Variants in ADH7 observed in about 807,000 individuals in gnomAD.
ADH7 encodes the protein alcohol dehydrogenase 7 (class IV), mu or sigma polypeptide.
In ADH7, 41 loss-of-function variants were observed where a neutral mutation model predicts 34.4. The observed-to-expected ratio is 1.19, with a 90% CI of 0.93 to 1.55. The LOEUF (loss-of-function observed/expected upper bound fraction) is 1.55, where lower values mean the gene tolerates loss of function less well. Ranked by LOEUF, ADH7 falls within the 40% of genes most tolerant of loss-of-function variation. The pLI is 0.00. For synonymous variants in ADH7, 180 were observed against 160.9 expected, an observed-to-expected ratio of 1.12 and a Z score of -0.90; for missense variants, 540 against 461.2, an observed-to-expected ratio of 1.17 and a Z score of -1.56.
chr4:99,418,996 A>C lies in ADH7; in HGVS notation c.951T>G (p.Cys317Trp). ...CTTTGCTTTCCTGACCTCCAAAGAC[A>C]CATCCCTTCCATGTGCGTCCAGTGA... ...LLFTGRTWKG[C>W]VFGGLKSRDD... Residue 317 changes from cysteine (C) to tryptophan (W), a missense_variant, in exon 7 of 9, where the codon TGT becomes TGG. Cys to Trp is a radical substitution (Grantham distance 215). Transcript: ENST00000437033. 1 of 1,613,764 alleles carries C rather than the reference A, an allele frequency of 6.2e-7. No individual in the cohort carries two copies. The highest frequency in any genetic ancestry group is 1.7e-5 in the Admixed American group (1 of 59,962).
intron 1 of ADH7, among the ~76,000 whole-genome samples, chr4:99,433,288 A>T (rs971841903): frequency 2.6e-5 from 4 of 151,456 alleles, no homozygotes; most frequent in Non-Finnish European, 1.5e-5. Flanking sequence ...TTAGACATTT[A>T]AAAATGTTTA....
chr4:99,419,921 T>A (rs1721608672), intron 6 of ADH7, among the ~76,000 whole-genome samples: 1 of 152,130 alleles, frequency 6.6e-6, no homozygotes, highest in Admixed American at 6.6e-5. Flanking sequence ...TTTTTCCTAG[T>A]CTCTTTACGC....
At chr4:99,433,784 G>T (rs1171406781) in intron 1 of ADH7, among the ~76,000 whole-genome samples, 1 of 152,126 alleles carries the variant, frequency 6.6e-6, no homozygotes, top group East Asian at 1.9e-4. Flanking sequence ...TCTCAGAATT[G>T]CAGCCTTCAG....
At chr4:99,428,022 A>G (rs1721851797) in intron 4 of ADH7, 33 bp from the exon 5 acceptor site, 3 of 1,612,692 alleles carry the variant, frequency 1.9e-6, no homozygotes, top group Admixed American at 1.7e-5. Flanking sequence ...GTATTAATTA[A>G]TTCAATTCAA....
chr4:99,416,627 T>C (rs367742874), intron 7 of ADH7, among the ~76,000 whole-genome samples: 12 of 152,240 alleles, frequency 7.9e-5, no homozygotes, highest in African/African-American at 2.9e-4. Flanking sequence ...GCTTGGTCCT[T>C]GGTCCATTTC....
chr4:99,415,132 C>T (rs911143103), intron 8 of ADH7, among the ~76,000 whole-genome samples: 2 of 152,114 alleles, frequency 1.3e-5, no homozygotes, highest in Admixed American at 6.5e-5. Flanking sequence ...GGGGCTCTTC[C>T]CGCTTTGCTC....
intron 1 of ADH7, chr4:99,430,372 T>A (rs1288323697): frequency 6.6e-6 from 1 of 152,240 alleles, no homozygotes; most frequent in Non-Finnish European, 1.5e-5. Context: ...GCTGTAGTTA[T>A]TCAATTAAAT....
rs772325568 is a variant in ADH7 at position 99,427,909 on chromosome 4, G to A, written c.428C>T (p.Thr143Ile). 6 of 1,614,008 alleles carry A rather than the reference G, an allele frequency of 3.7e-6. No homozygotes were observed. The highest frequency in any genetic ancestry group is 3.3e-4 in the Middle Eastern group (2 of 6,060). Residue 143 changes from threonine to isoleucine, a missense_variant, in exon 5 of 9, where the codon ACC becomes ATC. Coordinates refer to ENST00000437033, the MANE Select transcript of ADH7 (RefSeq NM_000673.7). Reference protein sequence around the residue: ...KGKPVHHFMNTSTFTEYTVVD... With the variant: ...KGKPVHHFMNISTFTEYTVVD... Reference sequence around the variant, plus strand: ...CACTGTGTACTCGGTAAATGTACTGGTGTTCATGAAGTGGTGGACTGGTTT... The same window carrying A: ...CACTGTGTACTCGGTAAATGTACTGATGTTCATGAAGTGGTGGACTGGTTT...
At chr4:99,429,141 C>T (rs1019484514) in intron 2 of ADH7, among the ~76,000 whole-genome samples, 6 of 152,176 alleles carry the variant, frequency 3.9e-5, no homozygotes, top group African/African-American at 1.4e-4. Flanking sequence ...GGAAAACGTT[C>T]CACGAAGTTG....
chr4:99,412,837 C>A lies in ADH7; in HGVS notation c.*311G>T, dbSNP rs958188984. The stretch of plus-strand genomic sequence containing the variant: ...GTTTTGAGTTATATATCTGCAGCAG[C>A]TGGTTAAAACTCTTAAAAATCTCCA... On this transcript the variant is annotated 3_prime_UTR_variant, in exon 9 of 9. Transcript: ENST00000437033. 7.1e-6 allele frequency: 2 copies of A among 281,988 alleles called. No individual in the cohort carries two copies. The highest frequency in any genetic ancestry group is 9.9e-5 in the Admixed American group (2 of 20,254). 17.5% of individuals were successfully genotyped at this position (281,988 alleles called of 1,614,324 possible).
intron 1 of ADH7, chr4:99,434,932 T>G: frequency 9.0e-7 from 1 of 1,117,180 alleles, no homozygotes; most frequent in Non-Finnish European, 1.3e-6. Flanking sequence ...TGCCCAGCTA[T>G]CCGGAAATCA....
intron 5 of ADH7, among the ~76,000 whole-genome samples, chr4:99,425,805 G>A (rs1207284890): frequency 7.9e-5 from 12 of 151,974 alleles, no homozygotes; most frequent in Non-Finnish European, 1.5e-4. Context: ...CCACATAGTT[G>A]GAAGTAAAGC....
chr4:99,434,638 A>G (rs1579582949), intron 1 of ADH7, among the ~76,000 whole-genome samples: 1 of 152,210 alleles, frequency 6.6e-6, no homozygotes, highest in Admixed American at 6.5e-5. Flanking sequence ...TGTTGTTTTT[A>G]GAACGATAAA....
chr4:99,433,533 C>T (rs550037304), intron 1 of ADH7, among the ~76,000 whole-genome samples: 27 of 152,134 alleles, frequency 1.8e-4, no homozygotes, highest in African/African-American at 5.5e-4. Context: ...CCTCCAAATT[C>T]GTATGTTGAA....
At chr4:99,418,945 G>A in intron 7 of ADH7, 41 bp downstream of exon 7, 3 of 1,607,266 alleles carry the variant, frequency 1.9e-6, no homozygotes, top group Non-Finnish European at 2.6e-6. Flanking sequence ...GCACCAGAGT[G>A]AAAGCCATCA....
intron 1 of ADH7, among the ~76,000 whole-genome samples, chr4:99,430,975 A>G (rs1721926176): frequency 6.6e-6 from 1 of 151,808 alleles, no homozygotes; most frequent in East Asian, 1.9e-4. Context: ...ATGTTTTTGT[A>G]TTTTAGTAGA....
At chr4:99,432,325 G>T (rs1721954098) in intron 1 of ADH7, among the ~76,000 whole-genome samples, 1 of 152,044 alleles carries the variant, frequency 6.6e-6, no homozygotes, top group Non-Finnish European at 1.5e-5. Flanking sequence ...AGGGTGGAAG[G>T]TGGAGGGAGG....
At chr4:99,419,551 T>C (rs1721600600) in intron 6 of ADH7, among the ~76,000 whole-genome samples, 1 of 152,176 alleles carries the variant, frequency 6.6e-6, no homozygotes, top group Non-Finnish European at 1.5e-5. Context: ...AAGAGTCCCT[T>C]TTCTTGGGAG....
At position 99,431,143 on chromosome 4, in the gene ADH7, T is replaced by C. The variant is rs115436206; in HGVS notation, c.19-1510A>G. 7.4e-3 allele frequency among the ~76,000 whole-genome samples: 1,128 copies of C among 152,282 alleles called. 16 individuals are homozygous for C. The highest frequency in any genetic ancestry group is 0.026 in the African/African-American group (1,082 of 41,552). On this transcript the variant is annotated intron_variant, in intron 1 of 8. Coordinates refer to ENST00000437033, the MANE Select transcript of ADH7 (RefSeq NM_000673.7). ...AAACTATTTTATCAATCAGTGAAGA[T>C]GTAAATATTGATCATACTGAGCATG...
Sources: allele counts gnomAD v4.1 joint callset (sites outside exome capture counted in the v4.1 genomes callset), GRCh38; gene constraint gnomAD v4.1.1; transcripts MANE v1.5; gene names NCBI Gene and HGNC (gene_info 2026-07-23, HGNC 2026-07-21).